The following IMMP1L variants were observed in gnomAD, a reference collection of about 807,000 sequenced individuals.
IMMP1L encodes inner mitochondrial membrane peptidase subunit 1, also known as mitochondrial inner membrane protease subunit 1.
A neutral mutation model predicts 21.8 loss-of-function variants in IMMP1L; 24 were observed. The observed-to-expected ratio is 1.10, with a 90% CI of 0.80 to 1.55. The LOEUF (loss-of-function observed/expected upper bound fraction) is 1.55, where lower values mean the gene tolerates loss of function less well. Ranked by LOEUF, IMMP1L falls within the 40% of genes most tolerant of loss-of-function variation. The pLI is 0.00. For synonymous variants in IMMP1L, 46 were observed against 62.8 expected, an observed-to-expected ratio of 0.73 and a Z score of 1.26; for missense variants, 195 against 200.7, an observed-to-expected ratio of 0.97 and a Z score of 0.17.
chr11:31,478,885 C>G (rs1954804062), intron 1 of IMMP1L, among the ~76,000 whole-genome samples: 1 of 151,884 alleles, frequency 6.6e-6, no homozygotes, highest in African/African-American at 2.4e-5. Context: ...TAATTCTTAA[C>G]TATATGTTTT....
intron 5 of IMMP1L, 81 bp from the exon 6 acceptor site, chr11:31,432,649 C>A: frequency 1.1e-6 from 1 of 930,026 alleles, no homozygotes; most frequent in Non-Finnish European, 1.8e-6. Context: ...CTATCTGTCC[C>A]TTTTCTCTAT....
intron 1 of IMMP1L, among the ~76,000 whole-genome samples, chr11:31,497,538 C>T (rs1592043074): frequency 6.6e-6 from 1 of 151,178 alleles, no homozygotes; most frequent in Non-Finnish European, 1.5e-5. Context: ...CTCCGCTCAC[C>T]GCAACCTCCG....
At chr11:31,443,347 G>A (rs1170377984) in intron 4 of IMMP1L, among the ~76,000 whole-genome samples, 1 of 152,236 alleles carries the variant, frequency 6.6e-6, no homozygotes, top group South Asian at 2.1e-4. Flanking sequence ...AAAAACACAT[G>A]TAAAAAAGTG....
intron 4 of IMMP1L, among the ~76,000 whole-genome samples, chr11:31,449,731 G>A (rs1953675342): frequency 6.6e-6 from 1 of 152,114 alleles, no homozygotes; most frequent in Non-Finnish European, 1.5e-5. Flanking sequence ...CTGTGGTAAT[G>A]GATTACTATT....
In IMMP1L at chr11:31,460,688, T is replaced by G; in HGVS notation, c.132A>C (p.Thr44=). ...VMCSGPSMEP[T]IQNSDIVFAE... ...CAAAGACAATATCTGAATTTTGAAT[T>G]GTAGGCTCCATTGATGGTCCAGAAC... is the stretch of plus-strand genomic sequence containing the variant. The change falls in exon 3 of 6, where the codon ACA becomes ACC. Residue 44 remains threonine, a synonymous_variant. Coordinates refer to ENST00000532287, the MANE Select transcript of IMMP1L (RefSeq NM_001304274.2). The G allele has an allele frequency of 6.2e-7, 1 of 1,610,636 alleles. No individual in the cohort carries two copies. Among genetic ancestry groups the G allele is most frequent in the South Asian group, 1.1e-5 (1 of 90,926 alleles).
At chr11:31,474,282 C>T (rs1442560914) in intron 1 of IMMP1L, among the ~76,000 whole-genome samples, 1 of 151,754 alleles carries the variant, frequency 6.6e-6, no homozygotes, top group African/African-American at 2.4e-5. Context: ...TAGAGAACAA[C>T]AAAGACTCAT....
At chr11:31,476,841 TA>T (rs1954746488) in intron 1 of IMMP1L, among the ~76,000 whole-genome samples, 1 of 152,094 alleles carries the variant, frequency 6.6e-6, no homozygotes, top group South Asian at 2.1e-4. Context: ...TTAAAATAAT[TA>T]ACACCTCCAG....
chr11:31,442,589 T>C (rs2133568700), intron 4 of IMMP1L, among the ~76,000 whole-genome samples: 1 of 152,362 alleles, frequency 6.6e-6, no homozygotes, highest in African/African-American at 2.4e-5. Context: ...ATTTGCCATA[T>C]ATTTTATAGT....
intron 4 of IMMP1L, among the ~76,000 whole-genome samples, chr11:31,446,285 T>G (rs1953517112): frequency 6.6e-6 from 1 of 152,202 alleles, no homozygotes; most frequent in Admixed American, 6.5e-5. Context: ...ATCTCAGTTA[T>G]GCCTCACTCA....
intron 1 of IMMP1L, among the ~76,000 whole-genome samples, chr11:31,506,885 A>C (rs953154508): frequency 6.6e-6 from 1 of 151,982 alleles, no homozygotes; most frequent in Non-Finnish European, 1.5e-5. Flanking sequence ...ATTTGAACCC[A>C]GGAGGCGGAG....
chr11:31,459,805 G>A (rs998851591), intron 3 of IMMP1L, among the ~76,000 whole-genome samples: 3 of 151,978 alleles, frequency 2.0e-5, no homozygotes, highest in Admixed American at 2.0e-4. Context: ...AATTAATCAG[G>A]AGACTCATAA....
chr11:31,468,569 G>A (rs775741826), intron 1 of IMMP1L, among the ~76,000 whole-genome samples: 9 of 152,070 alleles, frequency 5.9e-5, no homozygotes, highest in South Asian at 2.1e-4. Flanking sequence ...GGAAAAAAGG[G>A]TGACTTCATT....
chr11:31,447,304 A>G (rs182837604), intron 4 of IMMP1L, among the ~76,000 whole-genome samples: 4 of 152,290 alleles, frequency 2.6e-5, no homozygotes, highest in Admixed American at 2.6e-4. Context: ...CTTCTGAGGC[A>G]GCCTCATTAA....
intron 1 of IMMP1L, among the ~76,000 whole-genome samples, chr11:31,498,488 A>G (rs1443703028): frequency 2.0e-5 from 3 of 152,180 alleles, no homozygotes; most frequent in African/African-American, 7.2e-5. Flanking sequence ...CCAGCTACCT[A>G]TATTCCAGTT....
intron 4 of IMMP1L, among the ~76,000 whole-genome samples, chr11:31,450,813 T>C (rs1358231541): frequency 6.6e-6 from 1 of 152,114 alleles, no homozygotes; most frequent in East Asian, 1.9e-4. Flanking sequence ...GAAAAGAAAC[T>C]AGCACCCTAT....
intron 5 of IMMP1L, 110 bp from the exon 6 acceptor site, chr11:31,432,678 C>G: frequency 2.9e-6 from 2 of 701,736 alleles, no homozygotes; most frequent in Admixed American, 4.8e-5. Flanking sequence ...AACACTTTCT[C>G]CTTACTCATC....
chr11:31,435,357 A>G (rs569421857), intron 4 of IMMP1L, among the ~76,000 whole-genome samples: 61 of 152,238 alleles, frequency 4.0e-4, no homozygotes, highest in African/African-American at 1.4e-3. Flanking sequence ...TTGGGGCCCT[A>G]CATTATAACC....
At chr11:31,453,667 C>T (rs982639157) in intron 4 of IMMP1L, among the ~76,000 whole-genome samples, 14 of 152,136 alleles carry the variant, frequency 9.2e-5, no homozygotes, top group Admixed American at 5.9e-4. Context: ...TTTGCTAAAG[C>T]GGTTCTGTAA....
chr11:31,506,043 C>T (rs946617189), intron 1 of IMMP1L, among the ~76,000 whole-genome samples: 5 of 152,088 alleles, frequency 3.3e-5, no homozygotes, highest in Admixed American at 6.5e-5. Context: ...ACCCCTGATC[C>T]GCACACTGTT....
Sources: allele counts gnomAD v4.1 joint callset (sites outside exome capture counted in the v4.1 genomes callset), GRCh38; gene constraint gnomAD v4.1.1; transcripts MANE v1.5; gene names NCBI Gene and HGNC (gene_info 2026-07-23, HGNC 2026-07-21).